Variants in CELSR1 observed in about 807,000 individuals in gnomAD.
CELSR1 encodes the protein adhesion G protein-coupled receptor C1.
CELSR1 carries 110 observed loss-of-function variants against 249.1 expected under a neutral mutation model. That is an observed-to-expected ratio of 0.44 (90% CI 0.38 to 0.52). The LOEUF (loss-of-function observed/expected upper bound fraction) is 0.52, where lower values mean the gene tolerates loss of function less well. CELSR1 is among the 20% of genes least tolerant of loss of function. CELSR1 has a pLI of 0.00. For synonymous variants in CELSR1, 2,113 were observed against 1,900.0 expected (o/e 1.11, Z -2.92); for missense variants, 4,109 against 4,296.4 (o/e 0.96, Z 1.22).
chr22:46,418,658 C>T (rs982889237), intron 5 of CELSR1, among the ~76,000 whole-genome samples: 7 of 152,178 alleles, frequency 4.6e-5, no homozygotes, highest in Admixed American at 2.0e-4. Context: ...GCTTGGAGTT[C>T]GGGCACTGGC....
chr22:46,514,112 A>C (rs1391024191), intron 1 of CELSR1, among the ~76,000 whole-genome samples: 1 of 151,962 alleles, frequency 6.6e-6, no homozygotes, highest in Non-Finnish European at 1.5e-5. Flanking sequence ...AATTTTTCAC[A>C]GCTCTTTACT....
Position 46,535,048 on chromosome 22 carries a change from G to A in CELSR1, c.2123C>T (p.Thr708Ile), listed in dbSNP as rs775262263. The change falls in exon 1 of 35, where the codon ACC (threonine) becomes ATC (isoleucine). Residue 708 changes from threonine to isoleucine, a missense_variant. By Grantham distance (89) the Thr-to-Ile change is moderately conservative. Transcript: ENST00000674500. ...EDAAVGSSVL[T>I]LQARDRDANS... ...GGCGTCACGGTCGCGGGCCTGCAGG[G>A]TCAGCACGCTGCTCCCCACGGCCGC... The A allele has an allele frequency of 3.1e-6, 5 of 1,612,568 alleles. No individual in the cohort carries two copies. Among genetic ancestry groups the A allele is most frequent in the Middle Eastern group, 1.6e-4 (1 of 6,062 alleles).
At chr22:46,478,101 CG>C (rs1285545110) in intron 1 of CELSR1, among the ~76,000 whole-genome samples, 2 of 152,228 alleles carry the variant, frequency 1.3e-5, no homozygotes, top group Non-Finnish European at 2.9e-5. Context: ...GGACCCCTTC[CG>C]GCCTGAGACT....
chr22:46,367,002 G>GGTGGCCCTGGTGGTGGCGGAGGAC lies in CELSR1; in HGVS notation c.8195_8196insGTCCTCCGCCACCACCAGGGCCAC (p.Thr2732_Leu2733insSerSerAlaThrThrArgAlaThr). 6.2e-7 allele frequency: 1 copy of GGTGGCCCTGGTGGTGGCGGAGGAC among 1,609,744 alleles called. No individual in the cohort carries two copies. The highest frequency in any genetic ancestry group is 1.1e-5 in the South Asian group (1 of 90,632). ...CCCCGGCGCCTCCTACCGTCAGCAG[G>GGTGGCCCTGGTGGTGGCGGAGGAC]GTGGCCCTGGTGGTGGCGGAGTCCT... On this transcript the variant is annotated inframe_insertion, in exon 29 of 35. Coordinates refer to ENST00000674500, the MANE Select transcript of CELSR1 (RefSeq NM_001378328.1).
chr22:46,519,421 A>G (rs996836664), intron 1 of CELSR1, among the ~76,000 whole-genome samples: 6 of 152,208 alleles, frequency 3.9e-5, no homozygotes, highest in Admixed American at 3.3e-4. Context: ...TTGGTCATGA[A>G]GAGAGGGTGC....
chr22:46,486,446 A>G, intron 1 of CELSR1, among the ~76,000 whole-genome samples: 1 of 150,660 alleles, frequency 6.6e-6, no homozygotes, highest in East Asian at 2.0e-4. Context: ...TACTCAGGAG[A>G]CTGAGGCATG....
rs2080832710 is a variant in CELSR1, at chr22:46,534,818, G to A, written c.2353C>T (p.His785Tyr). The A allele has an allele frequency of 6.2e-7, 1 of 1,613,066 alleles. No individual in the cohort carries two copies. ...TGGGAGCTCTGAAAGACAGGCCTGT[G>A]GGTGTTGGCATCAGTGACGTTGATT... ...VLINVTDANT[H>Y]RPVFQSSHYT... Residue 785 changes from histidine (H) to tyrosine (Y), a missense_variant, in exon 1 of 35, where the codon CAC (histidine) becomes TAC (tyrosine). By Grantham distance (83) the His-to-Tyr change is moderately conservative. This residue lies in a region of CELSR1 where 886 missense variants were observed against 896.5 expected (regional missense o/e 0.99). Transcript: ENST00000674500. The surrounding 1 kb of genome is among the most constrained non-coding windows in gnomAD (Gnocchi z 9.7).
intron 2 of CELSR1, chr22:46,462,818 A>G: frequency 2.6e-6 from 1 of 388,876 alleles, no homozygotes; most frequent in South Asian, 1.9e-5. Flanking sequence ...TATTTTTAAA[A>G]ACCACCGTTG....
At chr22:46,370,642 G>GCTATGCT (rs1466008830) in intron 25 of CELSR1, among the ~76,000 whole-genome samples, 2 of 152,296 alleles carry the variant, frequency 1.3e-5, no homozygotes, top group East Asian at 3.9e-4. Context: ...CCTGGCCTAG[G>GCTATGCT]CTATGCTCCT....
At position 46,428,142 on chromosome 22, in the gene CELSR1, G is replaced by A. The variant is rs570780191; in HGVS notation, c.4611+5251C>T. Reference sequence around the variant, plus strand: ...CCTCTGCTCAACAGAAGCAGAGGCCGGTCCTCCGGTTTGTTGCAACCGGGC... The same window carrying A: ...CCTCTGCTCAACAGAAGCAGAGGCCAGTCCTCCGGTTTGTTGCAACCGGGC... On this transcript the variant is annotated intron_variant, in intron 5 of 34. Coordinates refer to ENST00000674500, the MANE Select transcript of CELSR1 (RefSeq NM_001378328.1). The surrounding 1 kb of genome is among the most constrained non-coding windows in gnomAD (Gnocchi z 5.7). Among the ~76,000 whole-genome samples, 1 of 152,284 alleles carries A rather than the reference G, an allele frequency of 6.6e-6. No individual in the cohort carries two copies. The highest frequency in any genetic ancestry group is 1.9e-4 in the East Asian group (1 of 5,186).
chr22:46,456,751 G>C (rs1006869272), intron 2 of CELSR1, among the ~76,000 whole-genome samples: 1 of 151,840 alleles, frequency 6.6e-6, no homozygotes, highest in African/African-American at 2.4e-5. Flanking sequence ...ATCGCAGAAG[G>C]GCTAGAATTT....
intron 25 of CELSR1, 113 bp from the exon 26 acceptor site, chr22:46,369,917 G>C: frequency 3.4e-6 from 3 of 886,638 alleles, no homozygotes; most frequent in South Asian, 2.7e-5. Context: ...TCCCTTCTCA[G>C]AGGAAGGAGC....
rs1314747615 is a variant in CELSR1, at chr22:46,427,020, G to C, written c.4611+6373C>G. On this transcript the variant is annotated intron_variant, in intron 5 of 34. Coordinates refer to ENST00000674500, the MANE Select transcript of CELSR1 (RefSeq NM_001378328.1). The surrounding 1 kb of genome is among the most constrained non-coding windows in gnomAD (Gnocchi z 4.2). ...TGCAGAGCAGAGCAAACGCAGCAGTGCTCCAGTGAAGTTCATGGCTTCCAA... is the reference window on the plus strand; with the variant it reads ...TGCAGAGCAGAGCAAACGCAGCAGTCCTCCAGTGAAGTTCATGGCTTCCAA... 6.6e-6 allele frequency among the ~76,000 whole-genome samples: 1 copy of C among 152,204 alleles called. No homozygotes were observed. The highest frequency in any genetic ancestry group is 6.5e-5 in the Admixed American group (1 of 15,288).
chr22:46,363,329 G>A lies in CELSR1; in HGVS notation c.9036-82C>T, dbSNP rs1569099280. On this transcript the variant is annotated intron_variant, in intron 34 of 34. Coordinates refer to ENST00000674500, the MANE Select transcript of CELSR1 (RefSeq NM_001378328.1). The surrounding 1 kb of genome is among the most constrained non-coding windows in gnomAD (Gnocchi z 4.3). ...GTGGGGCCCAAGGTTGTCACACGGG[G>A]GGGCAGGATCACCCCATCAGGGTAG... is the stretch of plus-strand genomic sequence containing the variant. The A allele has an allele frequency of 7.3e-6, 9 of 1,231,826 alleles. No individual in the cohort carries two copies. The Middle Eastern group carries it at 1.6e-3, about 218-fold the overall frequency. The allele number at this position is 1,231,826 out of a possible 1,614,324, so 76.3% of individuals were successfully genotyped here.
In CELSR1 at chr22:46,454,993, C is replaced by T. The variant is rs1401844671; in HGVS notation, c.4183+8714G>A. ...TTAGGGTGGGTCCTAATCCAGTGAC[C>T]GGTGTCCTTACAATGAGATGGAAAC... is the stretch of plus-strand genomic sequence containing the variant. On this transcript the variant is annotated intron_variant, in intron 2 of 34. Transcript: ENST00000674500. This position sits in a 1 kb window ranked among gnomAD's most constrained non-coding sequence, Gnocchi z 5.1. 2.6e-5 allele frequency among the ~76,000 whole-genome samples: 4 copies of T among 152,180 alleles called. No individual in the cohort carries two copies. The highest frequency in any genetic ancestry group is 4.8e-5 in the African/African-American group (2 of 41,446).
chr22:46,377,546 C>T lies in CELSR1; in HGVS notation c.7384-285G>A, dbSNP rs1000284841. On this transcript the variant is annotated intron_variant, in intron 23 of 34. Coordinates refer to ENST00000674500, the MANE Select transcript of CELSR1 (RefSeq NM_001378328.1). Reference sequence around the variant, plus strand: ...CAGAGACCTCTGGCTTTGGGGCGCCCAGGCCATGGGAGCCTCGGACTCTCA... The same window carrying T: ...CAGAGACCTCTGGCTTTGGGGCGCCTAGGCCATGGGAGCCTCGGACTCTCA... 38 of 476,966 alleles carry T rather than the reference C, an allele frequency of 8.0e-5. No homozygotes were observed. The Admixed American group carries it at 1.3e-3, about 16-fold the overall frequency. 29.5% of individuals were successfully genotyped at this position (476,966 alleles called of 1,614,324 possible).
rs1046584577 is a variant in CELSR1, at chr22:46,374,917, C to G, written c.7585-1860G>C. Among the ~76,000 whole-genome samples the G allele has an allele frequency of 6.6e-6, 1 of 152,198 alleles. No homozygotes were observed. The highest frequency in any genetic ancestry group is 2.4e-5 in the African/African-American group (1 of 41,452). On this transcript the variant is annotated intron_variant, in intron 24 of 34. Coordinates refer to ENST00000674500, the MANE Select transcript of CELSR1 (RefSeq NM_001378328.1). This position sits in a 1 kb window ranked among gnomAD's most constrained non-coding sequence, Gnocchi z 4.3. ...CCCGGGGCCTCGGCCTCGGGAAGCA[C>G]CTGGGAGGCGGCGGGGAAGGTTGGC...
intron 1 of CELSR1, among the ~76,000 whole-genome samples, chr22:46,507,727 C>T (rs2080529061): frequency 6.6e-6 from 1 of 152,144 alleles, no homozygotes. Flanking sequence ...CGCCCGAAGC[C>T]CCGCCCCTAG....
rs752818173 is a variant in CELSR1 at position 46,398,060 on chromosome 22, C to G, written c.5527-212G>C. ...CTGGGTGAGGAGCTCAGAGGGCACGCCAGCCTGAGCTCCTGGGGTGCGCGG... is the reference window on the plus strand; with the variant it reads ...CTGGGTGAGGAGCTCAGAGGGCACGGCAGCCTGAGCTCCTGGGGTGCGCGG... On this transcript the variant is annotated intron_variant, in intron 11 of 34. Transcript: ENST00000674500. This position sits in a 1 kb window ranked among gnomAD's most constrained non-coding sequence, Gnocchi z 7.2. 6.6e-6 allele frequency among the ~76,000 whole-genome samples: 1 copy of G among 152,158 alleles called. No individual in the cohort carries two copies. The highest frequency in any genetic ancestry group is 2.4e-5 in the African/African-American group (1 of 41,438).
Sources: allele counts gnomAD v4.1 joint callset (sites outside exome capture counted in the v4.1 genomes callset), GRCh38; gene constraint gnomAD v4.1.1; regional missense constraint gnomAD v4.1.1; non-coding constraint Gnocchi (gnomAD v3.1); transcripts MANE v1.5; gene names NCBI Gene and HGNC (gene_info 2026-07-23, HGNC 2026-07-21).